Variants in LRGUK observed in about 807,000 individuals in gnomAD.
LRGUK encodes the protein leucine rich repeats and guanylate kinase domain containing, also known as leucine-rich repeat and guanylate kinase domain-containing protein.
Under a neutral mutation model 76.0 loss-of-function variants are expected in LRGUK, and 65 were observed. The ratio of observed to expected loss-of-function variants is 0.85; its 90% CI spans 0.70 to 1.05. LRGUK has a LOEUF of 1.05. LRGUK is among the 50% of genes least tolerant of loss of function. LRGUK has a pLI of 0.00. For missense variants in LRGUK, 758 were observed against 732.8 expected, an observed-to-expected ratio of 1.03 and a Z score of -0.40; for synonymous variants, 268 against 265.6, an observed-to-expected ratio of 1.01 and a Z score of -0.09.
downstream of LRGUK, among the ~76,000 whole-genome samples, chr7:134,211,922 CA>C (rs1158413344): frequency 6.6e-6 from 1 of 152,154 alleles, no homozygotes; most frequent in East Asian, 1.9e-4. Context: ...GGAACATAAC[CA>C]GGACTCTAGT....
chr7:134,220,812 T>C (rs1260304366), intron 15 of LRGUK, among the ~76,000 whole-genome samples: 2 of 152,072 alleles, frequency 1.3e-5, no homozygotes, highest in East Asian at 3.9e-4. Flanking sequence ...TCAAGTGTTC[T>C]GCCAACCTCA....
chr7:134,222,723 C>T (rs1002448657), intron 16 of LRGUK, among the ~76,000 whole-genome samples: 1 of 152,130 alleles, frequency 6.6e-6, no homozygotes, highest in Non-Finnish European at 1.5e-5. Context: ...ATTCTCCTGC[C>T]TCAGCCTCCC....
chr7:134,163,552 C>T lies in LRGUK; in HGVS notation c.939+12C>T, dbSNP rs1798847546. The stretch of plus-strand genomic sequence containing the variant: ...TGGAGGATAATAAGGTAGTGTTGCA[C>T]TTCACATGTCTTGGTTTCAGTGTTG... On this transcript the variant is annotated intron_variant, in intron 7 of 15. Coordinates refer to ENST00000645682, the Ensembl canonical transcript of LRGUK. 1.9e-6 allele frequency: 3 copies of T among 1,595,822 alleles called. No homozygotes were observed. Among genetic ancestry groups the T allele is most frequent in the Admixed American group, 1.7e-5 (1 of 59,004 alleles).
chr7:134,178,409 C>A, intron 9 of LRGUK, 94 bp from the exon 10 acceptor site: 1 of 829,086 alleles, frequency 1.2e-6, no homozygotes, highest in Non-Finnish European at 1.9e-6. Context: ...CCTGGCTGCA[C>A]GTGAACAACA....
chr7:134,139,345 C>A (rs1797668670), intron 2 of LRGUK, 91 bp from the exon 3 acceptor site: 9 of 782,226 alleles, frequency 1.2e-5, no homozygotes, highest in Admixed American at 2.9e-5. Context: ...GAAAGAAATT[C>A]TGGATTTCTT....
chr7:134,163,291 G>A, intron 6 of LRGUK, 106 bp from the exon 7 acceptor site: 1 of 1,033,484 alleles, frequency 9.7e-7, no homozygotes, highest in Admixed American at 2.2e-5. Context: ...ATGCCTTCTT[G>A]ATTTTTTTTA....
At chr7:134,213,164 G>A, downstream of LRGUK, among the ~76,000 whole-genome samples, 1 of 152,190 alleles carries the variant, frequency 6.6e-6, no homozygotes, top group East Asian at 1.9e-4. Flanking sequence ...GGTCTATATA[G>A]ATCCAAAGTG....
At chr7:134,237,050 CTTTTTTT>C (rs10555261) in intron 16 of LRGUK, among the ~76,000 whole-genome samples, 8 of 75,180 alleles carry the variant, frequency 1.1e-4, no homozygotes, top group Non-Finnish European at 5.5e-5. Context: ...TTTTCTCTTT[CTTTTTTT>C]TTTTTTTTTT....
At chr7:134,196,158 T>C (rs12673409) in intron 12 of LRGUK, among the ~76,000 whole-genome samples, 2 of 152,000 alleles carry the variant, frequency 1.3e-5, no homozygotes, top group Non-Finnish European at 2.9e-5. Context: ...GAGAAGTCAC[T>C]CTTGCCAAGA....
At chr7:134,194,256 A>G (rs569438820) in intron 12 of LRGUK, among the ~76,000 whole-genome samples, 10 of 152,150 alleles carry the variant, frequency 6.6e-5, no homozygotes, top group Non-Finnish European at 1.3e-4. Context: ...GATTCCTCCC[A>G]ACTCTACATC....
chr7:134,270,790 A>T, the LRGUK span, among the ~76,000 whole-genome samples: 499 of 152,200 alleles, frequency 3.3e-3, 3 homozygotes, highest in African/African-American at 0.011. Context: ...GTGAATGCTA[A>T]ATTTGTTTCT....
chr7:134,264,175 G>A, exon 20 of LRGUK: 1 of 434,924 alleles, frequency 2.3e-6, no homozygotes, highest in Non-Finnish European at 3.8e-6. Flanking sequence ...TTAAAAAATT[G>A]TTTCTTAAAT....
intron 10 of LRGUK, among the ~76,000 whole-genome samples, chr7:134,180,175 T>C (rs1799677656): frequency 6.6e-6 from 1 of 152,208 alleles, no homozygotes; most frequent in Admixed American, 6.5e-5. Flanking sequence ...TGAAAAATAG[T>C]ATTTCCCAAT....
chr7:134,246,176 T>C (rs761855619), intron 16 of LRGUK, among the ~76,000 whole-genome samples: 3 of 152,184 alleles, frequency 2.0e-5, no homozygotes, highest in Non-Finnish European at 2.9e-5. Context: ...CAAATTCTAA[T>C]CCAGGTTATA....
chr7:134,133,567 T>G (rs1183038078), intron 1 of LRGUK, among the ~76,000 whole-genome samples: 1 of 152,206 alleles, frequency 6.6e-6, no homozygotes, highest in Admixed American at 6.5e-5. Flanking sequence ...TCACCATGTC[T>G]TATCCATTGA....
chr7:134,138,869 T>A (rs1242257045), intron 2 of LRGUK, among the ~76,000 whole-genome samples: 1 of 152,228 alleles, frequency 6.6e-6, no homozygotes, highest in Non-Finnish European at 1.5e-5. Flanking sequence ...GATTTCAGGC[T>A]GTTAACCTAC....
downstream of LRGUK, among the ~76,000 whole-genome samples, chr7:134,210,427 C>T (rs1342190197): frequency 6.6e-6 from 1 of 152,138 alleles, no homozygotes; most frequent in Non-Finnish European, 1.5e-5. Context: ...CCAACCTCCC[C>T]ACAAATGACC....
intron 7 of LRGUK, among the ~76,000 whole-genome samples, chr7:134,171,510 G>A (rs753711256): frequency 1.3e-5 from 2 of 152,004 alleles, no homozygotes; most frequent in African/African-American, 2.4e-5. Flanking sequence ...GACTTTAGTA[G>A]TTCCCTTTAG....
chr7:134,180,568 A>G (rs1799698023), intron 10 of LRGUK, among the ~76,000 whole-genome samples: 1 of 152,190 alleles, frequency 6.6e-6, no homozygotes, highest in South Asian at 2.1e-4. Context: ...ACAGAGGAAG[A>G]TGAAATTACC....
Sources: allele counts gnomAD v4.1 joint callset (sites outside exome capture counted in the v4.1 genomes callset), GRCh38; gene constraint gnomAD v4.1.1; transcripts MANE v1.5; gene names NCBI Gene and HGNC (gene_info 2026-07-23, HGNC 2026-07-21).